PSMD1: variants seen among roughly 807,000 people sequenced by gnomAD.
PSMD1 encodes the protein proteasome 26S subunit, non-ATPase 1, also known as 26S proteasome non-ATPase regulatory subunit 1.
Under a neutral mutation model 119.0 loss-of-function variants are expected in PSMD1, and 18 were observed. The ratio of observed to expected loss-of-function variants is 0.15; its 90% CI spans 0.10 to 0.22. The LOEUF (loss-of-function observed/expected upper bound fraction) is 0.22, where lower values mean the gene tolerates loss of function less well. Among genes scored for constraint, PSMD1 ranks in the 10% least tolerant of loss-of-function variants. The pLI is 1.00. For synonymous variants in PSMD1, 374 were observed against 396.6 expected (o/e 0.94, Z 0.68); for missense variants, 702 against 1,158.5 (o/e 0.61, Z 5.72).
chr2:231,101,420 A>G (rs1694864386), intron 16 of PSMD1, among the ~76,000 whole-genome samples: 1 of 152,176 alleles, frequency 6.6e-6, no homozygotes, highest in Non-Finnish European at 1.5e-5. Context: ...CCGGTCTCCT[A>G]CAATCACTTC....
intron 16 of PSMD1, 72 bp downstream of exon 16, chr2:231,087,253 T>C: frequency 7.7e-7 from 1 of 1,296,368 alleles, no homozygotes; most frequent in Non-Finnish European, 1.1e-6. Context: ...CTACCGAAAC[T>C]ACCAAACAGT....
chr2:231,078,320 C>T (rs1190048741), intron 9 of PSMD1, among the ~76,000 whole-genome samples: 1 of 152,254 alleles, frequency 6.6e-6, no homozygotes, highest in East Asian at 1.9e-4. Context: ...TGCAGCACTG[C>T]TCCTCAGGTT....
At chr2:231,113,763 G>C (rs916345472) in intron 16 of PSMD1, 1 of 1,614,058 alleles carries the variant, frequency 6.2e-7, no homozygotes, top group Non-Finnish European at 8.5e-7. Context: ...TAATCTTGAT[G>C]AATGCTGTAG....
At chr2:231,117,537 G>A (rs542256585) in intron 16 of PSMD1, among the ~76,000 whole-genome samples, 1 of 152,178 alleles carries the variant, frequency 6.6e-6, no homozygotes, top group East Asian at 1.9e-4. Context: ...AGTCCTAGAT[G>A]GGTCTTGTCT....
At chr2:231,147,719 A>G (rs1696284106) in intron 18 of PSMD1, among the ~76,000 whole-genome samples, 1 of 152,230 alleles carries the variant, frequency 6.6e-6, no homozygotes, top group Admixed American at 6.5e-5. Context: ...TCTTAAAGCT[A>G]GGGACTTTAG....
In PSMD1 at chr2:231,132,974, G is replaced by A. The variant is rs192241335; in HGVS notation, c.1884-5762G>A. 2.1e-4 allele frequency among the ~76,000 whole-genome samples: 32 copies of A among 152,262 alleles called. No individual in the cohort carries two copies. In the East Asian group the frequency reaches 5.0e-3, roughly 24 times the overall value. ...CCTAGGTATGTCAATGAATTGTCAT[G>A]GTGGGAAGAGAAGCAACTTGGAGAG... On this transcript the variant is annotated intron_variant, in intron 16 of 24. Coordinates refer to ENST00000308696, the MANE Select transcript of PSMD1 (RefSeq NM_002807.4).
chr2:231,081,373 A>G (rs1341255338), intron 12 of PSMD1, among the ~76,000 whole-genome samples: 1 of 152,206 alleles, frequency 6.6e-6, no homozygotes, highest in East Asian at 1.9e-4. Flanking sequence ...TAACTTGAAT[A>G]AGAAGTTTAT....
intron 16 of PSMD1, among the ~76,000 whole-genome samples, chr2:231,101,081 C>T (rs552861835): frequency 7.9e-5 from 12 of 152,236 alleles, no homozygotes; most frequent in Non-Finnish European, 1.0e-4. Flanking sequence ...TTAGCCACCC[C>T]GATAAACCAG....
At chr2:231,151,170 T>TTG (rs923378453) in intron 18 of PSMD1, among the ~76,000 whole-genome samples, 3 of 152,064 alleles carry the variant, frequency 2.0e-5, no homozygotes, top group African/African-American at 7.3e-5. Flanking sequence ...ATTCTACTTT[T>TTG]TGTTTTTTTT....
chr2:231,142,749 G>A (rs1431493641), intron 17 of PSMD1, among the ~76,000 whole-genome samples: 1 of 151,764 alleles, frequency 6.6e-6, no homozygotes, highest in Admixed American at 6.6e-5. Context: ...ATGGAAATTT[G>A]GTTATATTTT....
intron 16 of PSMD1, chr2:231,113,747 C>T: frequency 6.2e-7 from 1 of 1,613,974 alleles, no homozygotes; most frequent in East Asian, 2.2e-5. Flanking sequence ...ATTAACCACA[C>T]CACTGTAATC....
chr2:231,079,903 C>T (rs1284005035), intron 11 of PSMD1, among the ~76,000 whole-genome samples: 2 of 150,440 alleles, frequency 1.3e-5, no homozygotes, highest in Admixed American at 6.6e-5. Flanking sequence ...TGTTATAAAA[C>T]AAAGGGAAAA....
At chr2:231,165,157 G>T (rs1559255983) in intron 21 of PSMD1, 43 bp from the exon 22 acceptor site, 1 of 1,494,264 alleles carries the variant, frequency 6.7e-7, no homozygotes, top group African/African-American at 1.4e-5. Flanking sequence ...ATGTTTGTAT[G>T]TCAGTAAGGG....
chr2:231,074,835 T>G (rs985388171), intron 7 of PSMD1, among the ~76,000 whole-genome samples: 4 of 152,202 alleles, frequency 2.6e-5, no homozygotes, highest in African/African-American at 9.7e-5. Context: ...GCTTTTGTTT[T>G]GGGATCTCCT....
intron 16 of PSMD1, among the ~76,000 whole-genome samples, chr2:231,119,518 A>G (rs1695457801): frequency 6.6e-6 from 1 of 151,964 alleles, no homozygotes; most frequent in South Asian, 2.1e-4. Context: ...CATTTTATAT[A>G]CTCTTTCAGC....
intron 16 of PSMD1, among the ~76,000 whole-genome samples, chr2:231,097,222 T>C (rs1354883867): frequency 6.6e-6 from 1 of 152,196 alleles, no homozygotes; most frequent in East Asian, 1.9e-4. Context: ...TACAGATGCA[T>C]GGTATGACAC....
chr2:231,125,369 T>C (rs954167485), intron 16 of PSMD1, among the ~76,000 whole-genome samples: 1 of 152,252 alleles, frequency 6.6e-6, no homozygotes, highest in African/African-American at 2.4e-5. Context: ...AAATAAGATA[T>C]AATCTAGCTA....
At position 231,111,081 on chromosome 2, in the gene PSMD1, G is replaced by C. The variant is rs907215603; in HGVS notation, c.1883+23900G>C. ...TGACATTTGTTCATCTTCATCAATG[G>C]CTTCAGTACCTGCTATAGTCTTCTC... On this transcript the variant is annotated intron_variant, in intron 16 of 24. Transcript: ENST00000308696. Among the ~76,000 whole-genome samples, 5 of 151,962 alleles carry C rather than the reference G, an allele frequency of 3.3e-5. No individual in the cohort carries two copies. The East Asian group carries it at 5.8e-4, about 18-fold the overall frequency.
At chr2:231,109,044 T>C in intron 16 of PSMD1, 1 of 1,614,238 alleles carries the variant, frequency 6.2e-7, no homozygotes, top group Non-Finnish European at 8.5e-7. Context: ...TTCCCAATTG[T>C]GGATGTTCTT....
Sources: gnomAD v4.1 joint callset for allele counts (sites outside exome capture counted in the v4.1 genomes callset) on GRCh38, gnomAD v4.1.1 for gene constraint, MANE v1.5 for transcripts, NCBI Gene and HGNC (gene_info 2026-07-23, HGNC 2026-07-21) for gene names.